RALGAPA1: variants seen among roughly 807,000 people sequenced by gnomAD.
RALGAPA1 encodes the protein ral GTPase-activating protein subunit alpha-1.
In RALGAPA1, 52 loss-of-function variants were observed where a neutral mutation model predicts 269.6. The ratio of observed to expected loss-of-function variants is 0.19; its 90% confidence interval spans 0.15 to 0.24. The LOEUF is 0.24. RALGAPA1 is among the 10% of genes least tolerant of loss of function. RALGAPA1 has a pLI of 1.00. For synonymous variants in RALGAPA1, 817 were observed against 1,008.3 expected (o/e 0.81, Z 3.60); for missense variants, 1,917 against 3,013.9 (o/e 0.64, Z 8.52).
In RALGAPA1 at chr14:35,688,925, C is replaced by T; in HGVS notation, c.3486G>A (p.Gln1162=). The change falls in exon 18 of 42, where the codon CAG becomes CAA. Residue 1162 remains glutamine (Q), a synonymous_variant. Coordinates refer to ENST00000680220, the MANE Select transcript of RALGAPA1 (RefSeq NM_001346249.2). The part of the protein sequence containing the change: ...VTFRPSTESV[Q]FYNPLENKEA... ...CTTTGTTTTCCAGAGGATTATAAAACTGAACGGACTCAGTGGATGGCCTAA... is the reference window on the plus strand; with the variant it reads ...CTTTGTTTTCCAGAGGATTATAAAATTGAACGGACTCAGTGGATGGCCTAA... The T allele has an allele frequency of 1.6e-6, 2 of 1,254,488 alleles. No individual in the cohort carries two copies. Among genetic ancestry groups the T allele is most frequent in the Non-Finnish European group, 2.0e-6 (2 of 1,001,154 alleles). 77.7% of individuals were successfully genotyped at this position (1,254,488 alleles called of 1,614,324 possible).
intron 16 of RALGAPA1, among the ~76,000 whole-genome samples, chr14:35,712,777 G>GA (rs1487562080): frequency 3.4e-5 from 5 of 149,136 alleles, no homozygotes; most frequent in Non-Finnish European, 7.5e-5. Flanking sequence ...AAAGTGCTAA[G>GA]ATTACAAAGT....
At chr14:35,779,334 T>C (rs2075277817) in intron 1 of RALGAPA1, among the ~76,000 whole-genome samples, 1 of 152,010 alleles carries the variant, frequency 6.6e-6, no homozygotes, top group African/African-American at 2.4e-5. Flanking sequence ...GAGATCAGCC[T>C]GGGCAACACA....
intron 4 of RALGAPA1, among the ~76,000 whole-genome samples, chr14:35,768,379 C>T (rs900352981): frequency 6.6e-6 from 1 of 152,138 alleles, no homozygotes; most frequent in Non-Finnish European, 1.5e-5. Context: ...ATCATGCCTG[C>T]CACAGAATGT....
chr14:35,779,565 G>A (rs990219267), intron 1 of RALGAPA1, among the ~76,000 whole-genome samples: 1 of 149,966 alleles, frequency 6.7e-6, no homozygotes, highest in Admixed American at 6.7e-5. Context: ...TAATAATAAA[G>A]AAATAATAAA....
In RALGAPA1 at chr14:35,779,667, G is replaced by A. The variant is rs2075303059; in HGVS notation, c.107-3922C>T. Reference sequence around the variant, plus strand: ...AATGTTCGAGGAAAAAAAAGAAAATGAGAACAATAACAAAGCAAACCAAAA... The same window carrying A: ...AATGTTCGAGGAAAAAAAAGAAAATAAGAACAATAACAAAGCAAACCAAAA... On this transcript the variant is annotated intron_variant, in intron 1 of 41. Coordinates refer to ENST00000680220, the MANE Select transcript of RALGAPA1 (RefSeq NM_001346249.2). 2.6e-5 allele frequency among the ~76,000 whole-genome samples: 4 copies of A among 151,924 alleles called. No individual in the cohort carries two copies. The South Asian group carries it at 8.3e-4, about 32-fold the overall frequency.
At chr14:35,636,082 GT>G (rs76860385) in intron 31 of RALGAPA1, among the ~76,000 whole-genome samples, 2 of 150,968 alleles carry the variant, frequency 1.3e-5, no homozygotes, top group African/African-American at 4.9e-5. Context: ...TTTTGTTTTT[GT>G]TTTTTTTCAA....
At chr14:35,734,520 G>A (rs898839786) in intron 12 of RALGAPA1, among the ~76,000 whole-genome samples, 4 of 152,156 alleles carry the variant, frequency 2.6e-5, no homozygotes, top group Non-Finnish European at 5.9e-5. Context: ...AACAAAACTG[G>A]ATCCTCATCT....
At chr14:35,657,192 CTTTTTTT>C (rs1322013761) in intron 28 of RALGAPA1, among the ~76,000 whole-genome samples, 1 of 144,034 alleles carries the variant, frequency 6.9e-6, no homozygotes, top group Admixed American at 7.0e-5. Flanking sequence ...TTTCTTTTTT[CTTTTTTT>C]TTTTTGAGAC....
chr14:35,626,956 G>T, intron 34 of RALGAPA1, 134 bp downstream of exon 34: 2 of 848,662 alleles, frequency 2.4e-6, no homozygotes, highest in Non-Finnish European at 3.3e-6. Flanking sequence ...AAAAAAATCT[G>T]CAAAAAAATG....
chr14:35,569,123 A>G (rs1054297500), intron 39 of RALGAPA1, among the ~76,000 whole-genome samples: 14 of 152,220 alleles, frequency 9.2e-5, no homozygotes, highest in African/African-American at 3.4e-4. Context: ...GTCAGAATAC[A>G]TGAGAAATTA....
At chr14:35,742,094 T>C (rs1332357865) in intron 11 of RALGAPA1, among the ~76,000 whole-genome samples, 3 of 152,220 alleles carry the variant, frequency 2.0e-5, no homozygotes, top group Admixed American at 6.5e-5. Flanking sequence ...TGAAATATTA[T>C]ACCTTTATAA....
chr14:35,621,074 A>C (rs2060590813), intron 35 of RALGAPA1, among the ~76,000 whole-genome samples: 1 of 152,210 alleles, frequency 6.6e-6, no homozygotes, highest in Non-Finnish European at 1.5e-5. Context: ...AAGCAAAAAG[A>C]ACAAAGCTGG....
intron 37 of RALGAPA1, among the ~76,000 whole-genome samples, chr14:35,590,212 C>T (rs767559485): frequency 3.9e-5 from 6 of 152,172 alleles, no homozygotes; most frequent in Non-Finnish European, 5.9e-5. Flanking sequence ...AAACTTTTCA[C>T]TGAATATGCT....
In RALGAPA1 at chr14:35,761,994, T is replaced by C. The variant is rs559270143; in HGVS notation, c.369+716A>G. Among the ~76,000 whole-genome samples, 13 of 152,302 alleles carry C rather than the reference T, an allele frequency of 8.5e-5. No individual in the cohort carries two copies. The South Asian group carries it at 2.5e-3, about 29-fold the overall frequency. ...GAATGGGCAGCTTCTCTTACTACAG[T>C]ACAATGGCATAATGAAAAAGAAACA... On this transcript the variant is annotated intron_variant, in intron 5 of 41. Coordinates refer to ENST00000680220, the MANE Select transcript of RALGAPA1 (RefSeq NM_001346249.2).
chr14:35,791,611 A>G (rs2076173509), intron 1 of RALGAPA1, among the ~76,000 whole-genome samples: 1 of 151,894 alleles, frequency 6.6e-6, no homozygotes, highest in Admixed American at 6.6e-5. Flanking sequence ...CTGTCTCAAA[A>G]AAAAAAAAGT....
In RALGAPA1 at chr14:35,689,524, G is replaced by C. The variant is rs1448714350; in HGVS notation, c.2887C>G (p.Pro963Ala). ...GCAATAGTCACTTCCTGAGAAGCTG[G>C]GTCTTTCCCTGTCTCATTTTTACTA... ...NHSKNETGKD[P>A]ASQEVTIAVN... Residue 963 changes from proline to alanine, a missense_variant, in exon 18 of 42, where the codon CCA becomes GCA. By Grantham distance (27) the Pro-to-Ala change is conservative. This residue lies in a region of RALGAPA1 where 615 missense variants were observed against 790.0 expected (regional missense o/e 0.78). Transcript: ENST00000680220. 8.1e-7 allele frequency: 1 copy of C among 1,239,290 alleles called. No homozygotes were observed. Among genetic ancestry groups the C allele is most frequent in the African/African-American group, 1.6e-5 (1 of 64,378 alleles). 76.8% of individuals were successfully genotyped at this position (1,239,290 alleles called of 1,614,324 possible).
chr14:35,762,675 AT>A, intron 5 of RALGAPA1, 34 bp downstream of exon 5: 3 of 1,289,514 alleles, frequency 2.3e-6, no homozygotes, highest in Non-Finnish European at 3.4e-6. Flanking sequence ...TCTACTCAGT[AT>A]TTTTAAAGTC....
intron 16 of RALGAPA1, among the ~76,000 whole-genome samples, chr14:35,710,508 T>G (rs1431738289): frequency 6.6e-6 from 1 of 152,222 alleles, no homozygotes; most frequent in African/African-American, 2.4e-5. Context: ...TCTGCCCTCC[T>G]TGGCCTCCCA....
chr14:35,664,859 G>T, intron 26 of RALGAPA1, 92 bp from the exon 27 acceptor site: 2 of 1,149,604 alleles, frequency 1.7e-6, no homozygotes, highest in Non-Finnish European at 2.5e-6. Flanking sequence ...ATTAGACAGG[G>T]AAGTGATACA....
Sources: gnomAD v4.1 joint callset for allele counts (sites outside exome capture counted in the v4.1 genomes callset) on GRCh38, gnomAD v4.1.1 for gene constraint, gnomAD v4.1.1 regional missense constraint, MANE v1.5 for transcripts, NCBI Gene and HGNC (gene_info 2026-07-23, HGNC 2026-07-21) for gene names.